The following ARHGAP10 variants were observed in gnomAD, a reference collection of about 807,000 sequenced individuals.
ARHGAP10 encodes rho GTPase-activating protein 10.
Under a neutral mutation model 108.6 loss-of-function variants are expected in ARHGAP10, and 87 were observed. That is an observed-to-expected ratio of 0.80 (90% CI 0.67 to 0.96). ARHGAP10 has a LOEUF of 0.96. Ranked by LOEUF, ARHGAP10 falls within the 40% of genes least tolerant of loss-of-function variation. The pLI, the probability that ARHGAP10 is intolerant of heterozygous loss-of-function variation, is 0.00. For missense variants in ARHGAP10, 939 were observed against 954.5 expected, an observed-to-expected ratio of 0.98 and a Z score of 0.21; for synonymous variants, 347 against 341.1, an observed-to-expected ratio of 1.02 and a Z score of -0.19.
intron 7 of ARHGAP10, among the ~76,000 whole-genome samples, chr4:147,869,344 C>T (rs1734705137): frequency 6.6e-6 from 1 of 152,082 alleles, no homozygotes; most frequent in Non-Finnish European, 1.5e-5. Flanking sequence ...TTATAACACA[C>T]CTGTTGGGGG....
intron 6 of ARHGAP10, chr4:147,865,258 T>C (rs1359478422): frequency 1.7e-5 from 4 of 229,768 alleles, no homozygotes; most frequent in Non-Finnish European, 3.4e-5. Flanking sequence ...TAAAAATTTC[T>C]CTGAAATAAT....
At chr4:148,050,567 G>A (rs1395108074) in intron 20 of ARHGAP10, among the ~76,000 whole-genome samples, 4 of 151,538 alleles carry the variant, frequency 2.6e-5, no homozygotes, top group East Asian at 2.0e-4. Flanking sequence ...TAGAGACGGG[G>A]TTTCACTGCG....
At chr4:147,747,736 G>A (rs1437199083) in intron 1 of ARHGAP10, among the ~76,000 whole-genome samples, 2 of 152,074 alleles carry the variant, frequency 1.3e-5, no homozygotes, top group Non-Finnish European at 2.9e-5. Context: ...TACTATGGAT[G>A]CTCATTTATT....
intron 18 of ARHGAP10, among the ~76,000 whole-genome samples, chr4:147,998,015 C>A (rs1400284516): frequency 1.3e-5 from 2 of 152,108 alleles, no homozygotes; most frequent in African/African-American, 4.8e-5. Flanking sequence ...GCAAAACTTA[C>A]ATTCTGAGAG....
At chr4:147,955,230 A>G in intron 15 of ARHGAP10, 86 bp from the exon 16 acceptor site, 1 of 1,297,104 alleles carries the variant, frequency 7.7e-7, no homozygotes, top group Non-Finnish European at 1.1e-6. Context: ...AGAAATGCAT[A>G]ACAAATTTAA....
At chr4:147,841,511 T>G (rs909395347) in intron 3 of ARHGAP10, among the ~76,000 whole-genome samples, 2 of 152,216 alleles carry the variant, frequency 1.3e-5, no homozygotes, top group African/African-American at 4.8e-5. Flanking sequence ...GGTATTCATT[T>G]GTTGCTGGGG....
intron 20 of ARHGAP10, among the ~76,000 whole-genome samples, chr4:148,049,956 T>C (rs563984095): frequency 5.9e-4 from 89 of 151,834 alleles, no homozygotes; most frequent in Admixed American, 9.8e-4. Flanking sequence ...CAACCTCCGC[T>C]TCCTGGGTTC....
At chr4:147,932,313 C>G (rs954400801) in intron 13 of ARHGAP10, among the ~76,000 whole-genome samples, 1 of 152,074 alleles carries the variant, frequency 6.6e-6, no homozygotes, top group African/African-American at 2.4e-5. Context: ...GGTATATACC[C>G]AAAGGAATGT....
chr4:148,001,317 C>G (rs886268753), intron 18 of ARHGAP10, among the ~76,000 whole-genome samples: 4 of 152,116 alleles, frequency 2.6e-5, no homozygotes, highest in Non-Finnish European at 5.9e-5. Context: ...GTTACTGTAG[C>G]CTTGTAGTAT....
At position 147,966,665 on chromosome 4, in the gene ARHGAP10, C is replaced by T. The variant is rs765232989; in HGVS notation, c.1557-15C>T. ...CCTTTGGTTAAACAGATTCCTCCCC[C>T]CTTACCAATTTCAGTGTTTCAAATC... On this transcript the variant is annotated splice_polypyrimidine_tract_variant and intron_variant, in intron 17 of 22. Coordinates refer to ENST00000336498, the MANE Select transcript of ARHGAP10 (RefSeq NM_024605.4). 1 of 1,550,500 alleles carries T rather than the reference C, an allele frequency of 6.4e-7. No homozygotes were observed. Among genetic ancestry groups the T allele is most frequent in the Non-Finnish European group, 8.8e-7 (1 of 1,140,652 alleles).
At chr4:148,031,522 A>T (rs1728148227) in intron 19 of ARHGAP10, among the ~76,000 whole-genome samples, 1 of 152,200 alleles carries the variant, frequency 6.6e-6, no homozygotes, top group Non-Finnish European at 1.5e-5. Context: ...TGGGTTCTTA[A>T]TCACTCTACT....
intron 18 of ARHGAP10, among the ~76,000 whole-genome samples, chr4:147,976,541 GTTTTT>G (rs56763356): frequency 7.1e-6 from 1 of 140,422 alleles, no homozygotes; most frequent in Non-Finnish European, 1.6e-5. Flanking sequence ...TTTGTGTGTG[GTTTTT>G]TTTTTTTTTT....
At chr4:148,061,109 A>T (rs1178560360) in intron 20 of ARHGAP10, among the ~76,000 whole-genome samples, 3 of 150,740 alleles carry the variant, frequency 2.0e-5, no homozygotes, top group Admixed American at 6.6e-5. Flanking sequence ...TTTTTTTTTT[A>T]AAGAAAGATG....
intron 1 of ARHGAP10, among the ~76,000 whole-genome samples, chr4:147,792,569 C>T (rs553670274): frequency 6.6e-6 from 1 of 152,288 alleles, no homozygotes; most frequent in African/African-American, 2.4e-5. Flanking sequence ...CTCACTCCGT[C>T]TCTCGGCCTC....
chr4:147,780,611 TG>T (rs1347721042), intron 1 of ARHGAP10, among the ~76,000 whole-genome samples: 2 of 152,104 alleles, frequency 1.3e-5, no homozygotes, highest in African/African-American at 4.8e-5. Context: ...AGCCCTGTTG[TG>T]GGATTCCCCT....
chr4:147,810,270 C>A (rs1213814160), intron 1 of ARHGAP10, among the ~76,000 whole-genome samples: 1 of 152,162 alleles, frequency 6.6e-6, no homozygotes, highest in East Asian at 1.9e-4. Context: ...AACTTGCATT[C>A]TTTTATTACT....
In ARHGAP10 at chr4:147,857,595, A is replaced by T. The variant is rs1384324797; in HGVS notation, c.427A>T (p.Ser143Cys). Residue 143 changes from serine (S) to cysteine (C), a missense_variant, in exon 5 of 23, where the codon AGT becomes TGT. Transcript: ENST00000336498. ...TGACAAAGAGACAGAAAAGAATTAT[A>T]GTCTAATTGATAAACATTTGAATTT... is the stretch of plus-strand genomic sequence containing the variant. The part of the protein sequence containing the change: ...KFDKETEKNY[S>C]LIDKHLNLSA... 7 of 1,486,752 alleles carry T rather than the reference A, an allele frequency of 4.7e-6. No homozygotes were observed. The highest frequency in any genetic ancestry group is 5.4e-6 in the Non-Finnish European group (6 of 1,120,258). The allele number at this position is 1,486,752 out of a possible 1,614,324, so 92.1% of individuals were successfully genotyped here. A position where few individuals can be genotyped will look rare whatever the true frequency, so the allele number is the denominator to read the frequency against.
At chr4:148,063,331 G>T in intron 21 of ARHGAP10, 31 bp downstream of exon 21, 5 of 1,603,160 alleles carry the variant, frequency 3.1e-6, no homozygotes, top group Non-Finnish European at 4.3e-6. Flanking sequence ...TGTGGAATAT[G>T]GTGGCAGCAC....
chr4:147,804,594 T>C (rs1731708740), intron 1 of ARHGAP10, among the ~76,000 whole-genome samples: 1 of 152,228 alleles, frequency 6.6e-6, no homozygotes, highest in Non-Finnish European at 1.5e-5. Flanking sequence ...AACTAGTTTA[T>C]ATTTCCATTA....
Sources: gnomAD v4.1 joint callset for allele counts (sites outside exome capture counted in the v4.1 genomes callset) on GRCh38, gnomAD v4.1.1 for gene constraint, MANE v1.5 for transcripts, NCBI Gene and HGNC (gene_info 2026-07-23, HGNC 2026-07-21) for gene names.